ESRRG: variants seen among roughly 807,000 people sequenced by gnomAD.
ESRRG encodes the protein estrogen-related receptor gamma.
A neutral mutation model predicts 44.0 loss-of-function variants in ESRRG; 13 were observed. That is an observed-to-expected ratio of 0.30 (90% confidence interval 0.19 to 0.47). ESRRG has a LOEUF of 0.47. Ranked by LOEUF, ESRRG falls within the 20% of genes least tolerant of loss-of-function variation. The pLI is 1.00. For synonymous variants in ESRRG, 215 were observed against 214.6 expected, an observed-to-expected ratio of 1.00 and a Z score of -0.02; for missense variants, 395 against 580.6, an observed-to-expected ratio of 0.68 and a Z score of 3.29.
At chr1:216,763,300 T>A (rs1013089484) in intron 2 of ESRRG, among the ~76,000 whole-genome samples, 3 of 152,132 alleles carry the variant, frequency 2.0e-5, no homozygotes, top group Non-Finnish European at 2.9e-5. Flanking sequence ...GGAGGCACCA[T>A]AATTTTCAAT....
At chr1:217,088,495 C>G (rs1277458127) in intron 1 of ESRRG, among the ~76,000 whole-genome samples, 1 of 123,700 alleles carries the variant, frequency 8.1e-6, no homozygotes, top group East Asian at 2.7e-4. Context: ...CATTTGCTTT[C>G]TGTGTGTGTC....
chr1:216,875,400 C>T (rs2096334078), intron 2 of ESRRG, among the ~76,000 whole-genome samples: 1 of 152,088 alleles, frequency 6.6e-6, no homozygotes. Context: ...TACCTTCTTC[C>T]CCAAAGGTAA....
At chr1:217,082,711 G>A (rs1441343464) in intron 1 of ESRRG, among the ~76,000 whole-genome samples, 1 of 145,216 alleles carries the variant, frequency 6.9e-6, no homozygotes, top group South Asian at 2.3e-4. Context: ...AACTGCTTCC[G>A]TTTTTCCTTC....
intron 2 of ESRRG, among the ~76,000 whole-genome samples, chr1:216,756,240 G>GA (rs1471644431): frequency 3.6e-4 from 55 of 151,826 alleles, no homozygotes; most frequent in Non-Finnish European, 5.7e-4. Context: ...CCAAACTACT[G>GA]AAAAAAAGCA....
chr1:216,926,628 C>CT (rs1257557652), intron 2 of ESRRG, among the ~76,000 whole-genome samples: 3 of 152,150 alleles, frequency 2.0e-5, no homozygotes, highest in African/African-American at 4.8e-5. Context: ...CAACTAGCTA[C>CT]TTTTTTTGTG....
chr1:216,969,823 G>A (rs1443665508), intron 1 of ESRRG, among the ~76,000 whole-genome samples: 1 of 152,074 alleles, frequency 6.6e-6, no homozygotes, highest in Non-Finnish European at 1.5e-5. Context: ...GACCTCAGGT[G>A]ATCCGCCCAC....
At chr1:216,513,725 G>A (rs2043373801) in intron 6 of ESRRG, among the ~76,000 whole-genome samples, 1 of 151,966 alleles carries the variant, frequency 6.6e-6, no homozygotes. Context: ...TTACCTGCTA[G>A]GTCTTTTCTA....
intron 5 of ESRRG, among the ~76,000 whole-genome samples, chr1:216,532,296 T>A (rs2049618329): frequency 6.6e-6 from 1 of 152,146 alleles, no homozygotes; most frequent in Non-Finnish European, 1.5e-5. Flanking sequence ...TTCCACTTAA[T>A]TAGATATCAA....
intron 2 of ESRRG, among the ~76,000 whole-genome samples, chr1:216,791,341 T>C (rs2094313786): frequency 6.6e-6 from 1 of 151,908 alleles, no homozygotes; most frequent in Non-Finnish European, 1.5e-5. Flanking sequence ...ATAGGCCTGC[T>C]CCCCCTTTGC....
rs574518248 is a variant in ESRRG, at chr1:216,503,944, A to T, written c.*2995T>A. On this transcript the variant is annotated 3_prime_UTR_variant, in exon 7 of 7. Coordinates refer to ENST00000408911, the MANE Select transcript of ESRRG (RefSeq NM_001438.4). The stretch of plus-strand genomic sequence containing the variant: ...ATGGTCTTGCTTGAAACTTGAGAAG[A>T]CTTCCCTCTAGTGAGGTTTAAGATG... 1 of 152,618 alleles carries T rather than the reference A, an allele frequency of 6.6e-6. No individual in the cohort carries two copies. The highest frequency in any genetic ancestry group is 2.4e-5 in the African/African-American group (1 of 41,554). The allele number at this position is 152,618 out of a possible 1,614,324, so 9.5% of individuals were successfully genotyped here.
rs187869495 is a variant in ESRRG at position 217,013,670 on chromosome 1, C to G, written c.-105-73997G>C. Among the ~76,000 whole-genome samples, 374 of 152,240 alleles carry G rather than the reference C, an allele frequency of 2.5e-3. 1 individual carries two copies. The highest frequency in any genetic ancestry group is 8.7e-3 in the African/African-American group (362 of 41,544). On this transcript the variant is annotated intron_variant, in intron 1 of 7. Transcript: ENST00000359162. ...TCTCTGGATAAAAGATTGTTTAGTG[C>G]TTACTTTTTGAAGTATACATTAGCA...
chr1:217,032,423 T>C (rs545804816), intron 1 of ESRRG, among the ~76,000 whole-genome samples: 91 of 152,280 alleles, frequency 6.0e-4, no homozygotes, highest in African/African-American at 2.1e-3. Context: ...TTTGAGTCAA[T>C]TGAGGATTCA....
chr1:217,136,087 A>G (rs2093045324), intron 1 of ESRRG, among the ~76,000 whole-genome samples: 1 of 152,084 alleles, frequency 6.6e-6, no homozygotes, highest in African/African-American at 2.4e-5. Context: ...TTCTCTACCC[A>G]CCTACCTTTG....
upstream of ESRRG, chr1:217,090,442 A>G (rs1164057900): frequency 1.3e-5 from 2 of 152,254 alleles, no homozygotes; most frequent in Admixed American, 1.3e-4. Context: ...GGGCCCAGGC[A>G]GAGAATCGGC....
At chr1:216,905,671 T>C (rs1220644805) in intron 2 of ESRRG, among the ~76,000 whole-genome samples, 1 of 152,216 alleles carries the variant, frequency 6.6e-6, no homozygotes, top group East Asian at 1.9e-4. Flanking sequence ...TGGAGATTAG[T>C]AGACTCCAAA....
chr1:216,820,792 A>G (rs891966672), intron 2 of ESRRG, among the ~76,000 whole-genome samples: 28 of 152,202 alleles, frequency 1.8e-4, no homozygotes, highest in Non-Finnish European at 1.0e-4. Flanking sequence ...GTCACATATG[A>G]TGGGGCAGAG....
chr1:216,694,356 T>C (rs1331380278), intron 1 of ESRRG, among the ~76,000 whole-genome samples: 1 of 151,956 alleles, frequency 6.6e-6, no homozygotes, highest in African/African-American at 2.4e-5. Context: ...TGCTGAAGAA[T>C]ACTGTAGGGG....
At chr1:216,723,520 G>A (rs1043951082), upstream of ESRRG, 4 of 526,850 alleles carry the variant, frequency 7.6e-6, no homozygotes, top group Non-Finnish European at 1.3e-5. Flanking sequence ...CGGCCCAGCC[G>A]CGCAGCCGAT....
chr1:216,977,402 A>C (rs1001587386), intron 1 of ESRRG, among the ~76,000 whole-genome samples: 5 of 151,810 alleles, frequency 3.3e-5, no homozygotes, highest in African/African-American at 4.8e-5. Flanking sequence ...CTAAGATATA[A>C]TGTGAACTAA....
Sources: gnomAD v4.1 joint callset for allele counts (sites outside exome capture counted in the v4.1 genomes callset) on GRCh38, gnomAD v4.1.1 for gene constraint, MANE v1.5 for transcripts, NCBI Gene and HGNC (gene_info 2026-07-23, HGNC 2026-07-21) for gene names.